DIAPH2: variants seen among roughly 807,000 people sequenced by gnomAD.
The protein encoded by DIAPH2 is protein diaphanous homolog 2.
A neutral mutation model predicts 92.7 loss-of-function variants in DIAPH2; 35 were observed. The ratio of observed to expected loss-of-function variants is 0.38; its 90% CI spans 0.29 to 0.50. The LOEUF is 0.50. Among genes scored for constraint, DIAPH2 ranks in the 20% least tolerant of loss-of-function variants. DIAPH2 has a pLI of 0.94. For missense variants in DIAPH2, 701 were observed against 819.5 expected (o/e 0.86, Z 1.77); for synonymous variants, 301 against 280.4 (o/e 1.07, Z -0.73).
chrX:96,916,870 CAG>C (rs1433348246), intron 8 of DIAPH2, among the ~76,000 whole-genome samples: 3 of 111,202 alleles, frequency 2.7e-5, no homozygotes, highest in Non-Finnish European at 3.8e-5. Context: ...GGACAAAAAT[CAG>C]AGAGTTATTT....
intron 4 of DIAPH2, among the ~76,000 whole-genome samples, chrX:96,813,291 CTT>C (rs202199306): frequency 9.1e-6 from 1 of 109,514 alleles, no homozygotes; most frequent in African/African-American, 3.3e-5. Context: ...TTCTTTGTCT[CTT>C]TTGATCTTTG....
At chrX:96,820,362 TGGG>T (rs1205259823) in intron 4 of DIAPH2, among the ~76,000 whole-genome samples, 2 of 111,435 alleles carry the variant, frequency 1.8e-5, no homozygotes, top group African/African-American at 6.5e-5. Flanking sequence ...CCCAGCTACT[TGGG>T]GGACCGAGGT....
intron 22 of DIAPH2, among the ~76,000 whole-genome samples, chrX:97,167,742 T>C (rs2067422338): frequency 8.9e-6 from 1 of 111,897 alleles, no homozygotes; most frequent in Admixed American, 9.5e-5. Context: ...TTGGTACACA[T>C]TCTAGCCAAC....
rs541681495 is a variant in DIAPH2 at position 96,807,944 on chromosome X, C to CAAAAAAAAAAA, written c.447+49715_447+49725dup. On this transcript the variant is annotated intron_variant, in intron 4 of 26. Coordinates refer to ENST00000324765, the MANE Select transcript of DIAPH2 (RefSeq NM_006729.5). ...GTGAGATTTGGTATTGTAGAAATAGCAAAAAAAAAAAAAAAAAAAAAAAAA... is the reference window on the plus strand; with the variant it reads ...GTGAGATTTGGTATTGTAGAAATAGCAAAAAAAAAAAAAAAAAAAAAAAAAAAAAAAAAAAA... Among the ~76,000 whole-genome samples the CAAAAAAAAAAA allele has an allele frequency of 1.2e-3, 17 of 14,490 alleles. 4 individuals carry two copies. The highest frequency in any genetic ancestry group is 1.9e-3 in the Non-Finnish European group (16 of 8,260). The allele number at this position is 14,490 out of a possible 115,157, so 12.6% of individuals were successfully genotyped here.
intron 23 of DIAPH2, among the ~76,000 whole-genome samples, chrX:97,288,425 T>A (rs2068563251): frequency 9.0e-6 from 1 of 110,944 alleles, no homozygotes; most frequent in Non-Finnish European, 1.9e-5. Context: ...AGGCCAGGAA[T>A]CAACTAATAG....
rs373295094 is a variant in DIAPH2 at position 96,799,536 on chromosome X, G to A, written c.447+41278G>A. Among the ~76,000 whole-genome samples the A allele has an allele frequency of 3.9e-3, 433 of 112,165 alleles. 1 individual carries two copies. Among genetic ancestry groups the A allele is most frequent in the African/African-American group, 0.013 (408 of 30,942 alleles). On this transcript the variant is annotated intron_variant, in intron 4 of 26. Coordinates refer to ENST00000324765, the MANE Select transcript of DIAPH2 (RefSeq NM_006729.5). ...TAAAAGTAACCTTTCTTGGCCGGGC[G>A]CAGTGGCTCACGCCTATAATCCCAG...
intron 26 of DIAPH2, among the ~76,000 whole-genome samples, chrX:97,464,297 TAAAAAAAAAAAAA>T (rs753355896): frequency 8.7e-3 from 287 of 32,948 alleles, no homozygotes; most frequent in African/African-American, 0.04. Context: ...CCATCTCTAC[TAAAAAAAAAAAAA>T]AAAAAAAAAA....
At chrX:97,500,767 T>G (rs1437707499) in intron 26 of DIAPH2, among the ~76,000 whole-genome samples, 6 of 13,457 alleles carry the variant, frequency 4.5e-4, no homozygotes, top group Non-Finnish European at 6.8e-4. Context: ...CAAGGAGATA[T>G]ATATATATAT....
chrX:97,287,943 ACT>A (rs2032362446), intron 23 of DIAPH2, among the ~76,000 whole-genome samples: 1 of 55,764 alleles, frequency 1.8e-5, no homozygotes, highest in Non-Finnish European at 3.2e-5. Context: ...ACAGAGTGAG[ACT>A]CTGTCTCAAA....
chrX:97,509,767 T>G (rs190294968), intron 26 of DIAPH2, among the ~76,000 whole-genome samples: 8 of 108,908 alleles, frequency 7.3e-5, no homozygotes, highest in African/African-American at 2.7e-4. Context: ...TGTTTGGTTT[T>G]TTGTCCTTAC....
intron 26 of DIAPH2, among the ~76,000 whole-genome samples, chrX:97,520,444 GGAAATAATTACTCAAAGATGATTTATT>G (rs1202621807): frequency 2.7e-5 from 3 of 111,616 alleles, no homozygotes; most frequent in Non-Finnish European, 5.7e-5. Flanking sequence ...GTGCTTTTGT[GGAAATAATTACTCAAAGATGATTTATT>G]TCTAATGATT....
At chrX:97,121,557 C>CCT (rs1269688980) in intron 21 of DIAPH2, among the ~76,000 whole-genome samples, 2 of 112,178 alleles carry the variant, frequency 1.8e-5, no homozygotes. Flanking sequence ...TATTAATACT[C>CCT]AGCATGTGTT....
intron 26 of DIAPH2, among the ~76,000 whole-genome samples, chrX:97,448,912 A>G (rs1042308944): frequency 8.9e-6 from 1 of 112,020 alleles, no homozygotes; most frequent in East Asian, 2.8e-4. Flanking sequence ...TGTGTTCTAA[A>G]TATCTTTTAT....
chrX:97,352,438 T>G (rs2147695328), intron 24 of DIAPH2, among the ~76,000 whole-genome samples: 1 of 111,277 alleles, frequency 9.0e-6, no homozygotes, highest in Admixed American at 9.6e-5. Context: ...TCTATATTAC[T>G]CAGCTAATGA....
intron 26 of DIAPH2, among the ~76,000 whole-genome samples, chrX:97,471,452 A>G (rs748749772): frequency 2.7e-5 from 3 of 111,183 alleles, no homozygotes; most frequent in African/African-American, 9.8e-5. Context: ...ACACTTTGAG[A>G]GGCCAAGGCG....
chrX:96,851,667 C>T lies in DIAPH2; in HGVS notation c.448-29912C>T, dbSNP rs970972870. 5.4e-5 allele frequency among the ~76,000 whole-genome samples: 6 copies of T among 112,059 alleles called. No homozygotes were observed. The Admixed American group carries it at 5.7e-4, about 11-fold the overall frequency. On this transcript the variant is annotated intron_variant, in intron 4 of 26. Transcript: ENST00000324765. ...TCTGTATATGTTCGGTACAGACAAT[C>T]ATCCATTTGTTTAAAAAATATTTTT...
intron 26 of DIAPH2, among the ~76,000 whole-genome samples, chrX:97,518,285 G>T (rs1334055140): frequency 9.0e-6 from 1 of 111,331 alleles, no homozygotes; most frequent in African/African-American, 3.3e-5. Context: ...GTGAGTTCTT[G>T]ATTTTTATAT....
At chrX:96,829,793 C>A (rs1248634032) in intron 4 of DIAPH2, among the ~76,000 whole-genome samples, 7 of 110,503 alleles carry the variant, frequency 6.3e-5, no homozygotes, top group Non-Finnish European at 5.7e-5. Context: ...CCATGCCAGG[C>A]CTAAATGATT....
At chrX:97,451,859 G>C (rs2147794443) in intron 26 of DIAPH2, among the ~76,000 whole-genome samples, 1 of 111,670 alleles carries the variant, frequency 9.0e-6, no homozygotes, top group East Asian at 2.8e-4. Context: ...CAAAGCAATA[G>C]AAATATTGCC....
Sources: allele counts gnomAD v4.1 joint callset (sites outside exome capture counted in the v4.1 genomes callset), GRCh38; gene constraint gnomAD v4.1.1; transcripts MANE v1.5; gene names NCBI Gene and HGNC (gene_info 2026-07-23, HGNC 2026-07-21).